The following SV2B variants were observed in gnomAD, a reference collection of about 807,000 sequenced individuals.
The protein encoded by SV2B is synaptic vesicle glycoprotein 2B.
Under a neutral mutation model 73.9 loss-of-function variants are expected in SV2B, and 41 were observed. The observed-to-expected ratio is 0.56, with a 90% CI of 0.43 to 0.72. The LOEUF (loss-of-function observed/expected upper bound fraction) is 0.72, where lower values mean the gene tolerates loss of function less well. Ranked by LOEUF, SV2B falls within the 30% of genes least tolerant of loss-of-function variation. The pLI, the probability that SV2B is intolerant of heterozygous loss-of-function variation, is 0.00. For synonymous variants in SV2B, 314 were observed against 314.2 expected (o/e 1.00, Z 0.01); for missense variants, 764 against 857.8 (o/e 0.89, Z 1.37).
At chr15:91,167,365 C>G (rs2043953389) in intron 1 of SV2B, among the ~76,000 whole-genome samples, 1 of 151,956 alleles carries the variant, frequency 6.6e-6, no homozygotes, top group Admixed American at 6.6e-5. Flanking sequence ...ACCACAAACT[C>G]TTGGTTTAAG....
chr15:91,285,566 G>A (rs189824604), intron 11 of SV2B, among the ~76,000 whole-genome samples: 4 of 152,350 alleles, frequency 2.6e-5, no homozygotes, highest in Admixed American at 1.3e-4. Flanking sequence ...AGGTGGCTCC[G>A]TCTCTGCCAA....
At chr15:91,189,572 C>T (rs1466510166) in intron 1 of SV2B, among the ~76,000 whole-genome samples, 1 of 152,100 alleles carries the variant, frequency 6.6e-6, no homozygotes, top group South Asian at 2.1e-4. Context: ...AAGAAAATCC[C>T]TTCTTTATCA....
At chr15:91,249,931 A>T (rs183318077) in intron 2 of SV2B, among the ~76,000 whole-genome samples, 5 of 152,338 alleles carry the variant, frequency 3.3e-5, no homozygotes, top group African/African-American at 1.2e-4. Context: ...ATTCTACCAC[A>T]CATTTAAAGA....
At chr15:91,104,978 C>T (rs11073981) in intron 1 of SV2B, among the ~76,000 whole-genome samples, 80,799 of 152,052 alleles carry the variant, frequency 0.53, 22,266 homozygotes, top group Non-Finnish European at 0.57. Flanking sequence ...CCTTTTCTTC[C>T]GGACTCTGCT....
chr15:91,213,944 T>C (rs902631846), intron 1 of SV2B, among the ~76,000 whole-genome samples: 7 of 152,182 alleles, frequency 4.6e-5, no homozygotes, highest in Admixed American at 1.3e-4. Context: ...CAAAAGGGAT[T>C]GAAAGAACCC....
intron 1 of SV2B, among the ~76,000 whole-genome samples, chr15:91,222,979 T>C (rs2141473456): frequency 6.6e-6 from 1 of 152,354 alleles, no homozygotes; most frequent in South Asian, 2.1e-4. Context: ...ATTTGTTTCA[T>C]ACCTCTGGAG....
At chr15:91,243,258 T>C (rs1166866032) in intron 2 of SV2B, among the ~76,000 whole-genome samples, 2 of 152,174 alleles carry the variant, frequency 1.3e-5, no homozygotes, top group Admixed American at 6.6e-5. Context: ...AGAGGTGTCA[T>C]ACCTCCACTG....
chr15:91,200,858 C>T (rs80289545), intron 1 of SV2B, among the ~76,000 whole-genome samples: 14,564 of 152,160 alleles, frequency 0.096, 1,119 homozygotes, highest in African/African-American at 0.21. Context: ...CTGCAGTGAG[C>T]CATGATCGTG....
chr15:91,275,945 AT>A (rs1463413456), intron 9 of SV2B, among the ~76,000 whole-genome samples: 1 of 152,072 alleles, frequency 6.6e-6, no homozygotes. Context: ...TCCCGTTACT[AT>A]TTCTTGTAGT....
chr15:91,150,544 A>C (rs563466236), intron 1 of SV2B, among the ~76,000 whole-genome samples: 1 of 152,298 alleles, frequency 6.6e-6, no homozygotes, highest in South Asian at 2.1e-4. Flanking sequence ...ATTAATACAC[A>C]CTTGGATTTG....
At chr15:91,190,187 G>A (rs540119488) in intron 1 of SV2B, among the ~76,000 whole-genome samples, 65 of 152,222 alleles carry the variant, frequency 4.3e-4, no homozygotes, top group Non-Finnish European at 5.9e-4. Context: ...TGTTACATAT[G>A]TATACATGTG....
Position 91,289,699 on chromosome 15 carries a change from T to C in SV2B, c.1868+19T>C, listed in dbSNP as rs1463841080. 6.2e-7 allele frequency: 1 copy of C among 1,607,766 alleles called. No individual in the cohort carries two copies. Among genetic ancestry groups the C allele is most frequent in the East Asian group, 2.2e-5 (1 of 44,790 alleles). The stretch of plus-strand genomic sequence containing the variant: ...ACCAGAGGTCAGTTCTTCCCCAGGC[T>C]TTCCTCAGGGACTTGTTTGGGCTTC... On this transcript the variant is annotated intron_variant, in intron 12 of 12. Coordinates refer to ENST00000394232, the MANE Select transcript of SV2B (RefSeq NM_001323032.3). The surrounding 1 kb of genome is among the most constrained non-coding windows in gnomAD (Gnocchi z 4.9).
At chr15:91,164,607 T>C (rs1361088895) in intron 1 of SV2B, among the ~76,000 whole-genome samples, 1 of 152,184 alleles carries the variant, frequency 6.6e-6, no homozygotes, top group Non-Finnish European at 1.5e-5. Flanking sequence ...TCATGTTTGA[T>C]TGAATAAGTG....
Position 91,121,110 on chromosome 15 carries a change from C to T in SV2B, c.-392+20747C>T, listed in dbSNP as rs906389841. Among the ~76,000 whole-genome samples the T allele has an allele frequency of 6.7e-6, 1 of 149,862 alleles. No individual in the cohort carries two copies. The highest frequency in any genetic ancestry group is 2.5e-5 in the African/African-American group (1 of 40,434). On this transcript the variant is annotated intron_variant, in intron 1 of 12. Transcript: ENST00000394232. The surrounding 1 kb of genome is among the most constrained non-coding windows in gnomAD (Gnocchi z 4.4). ...GTCTTTTAACACGCTAATTTTTGGT[C>T]TTATGTTAGTAACTCGTTTCATTTT...
In SV2B at chr15:91,270,768, TTGAATCCTGTGGATGATGGGGGGATGG is replaced by T. The variant is rs747092685; in HGVS notation, c.1373+2215_1373+2241del. Among the ~76,000 whole-genome samples, 113 of 148,710 alleles carry T rather than the reference TTGAATCCTGTGGATGATGGGGGGATGG, an allele frequency of 7.6e-4. 6 individuals carry two copies. The highest frequency in any genetic ancestry group is 1.8e-3 in the African/African-American group (74 of 40,544). ...GAAACAGGGGCTGAAGAAAGCAGTG[TTGAATCCTGTGGATGATGGGGGGATGG>T]TGAATCCTGTGGATGATGGGGGGAT... On this transcript the variant is annotated intron_variant, in intron 9 of 12. Coordinates refer to ENST00000394232, the MANE Select transcript of SV2B (RefSeq NM_001323032.3).
chr15:91,252,143 C>A lies in SV2B; in HGVS notation c.632+144C>A, dbSNP rs537090850. The A allele has an allele frequency of 1.2e-4, 144 of 1,245,878 alleles. No homozygotes were observed. The highest frequency in any genetic ancestry group is 1.4e-4 in the Non-Finnish European group (129 of 912,060). 77.2% of individuals were successfully genotyped at this position (1,245,878 alleles called of 1,614,324 possible). A position where few individuals can be genotyped will look rare whatever the true frequency, so the allele number is the denominator to read the frequency against. On this transcript the variant is annotated intron_variant, in intron 3 of 12. Coordinates refer to ENST00000394232, the MANE Select transcript of SV2B (RefSeq NM_001323032.3). This position sits in a 1 kb window ranked among gnomAD's most constrained non-coding sequence, Gnocchi z 4.6. ...TTCAGGATACTATATTAAAGTTGAA[C>A]CTTAGAAAGAGTTAGGGTTAGGATT...
At chr15:91,101,103 C>G (rs1016644443) in intron 1 of SV2B, among the ~76,000 whole-genome samples, 1 of 152,146 alleles carries the variant, frequency 6.6e-6, no homozygotes, top group African/African-American at 2.4e-5. Flanking sequence ...TTAAGGGTAA[C>G]TTAACGTTGG....
chr15:91,226,420 A>G lies in SV2B; in HGVS notation c.157A>G (p.Ile53Val), dbSNP rs372807985. The G allele has an allele frequency of 1.1e-5, 17 of 1,614,080 alleles. No homozygotes were observed. Among genetic ancestry groups the G allele is most frequent in the East Asian group, 6.7e-5 (3 of 44,890 alleles). The change falls in exon 2 of 13, where the codon ATC (isoleucine) becomes GTC (valine). Residue 53 changes from isoleucine to valine, a missense_variant. Transcript: ENST00000394232. ...GATCTATGAGGGCGAGTACCAGGGT[A>G]TCCCTCACCCAGATGATGTCAAGGC... ...DEIYEGEYQG[I>V]PHPDDVKAKQ... is the part of the protein sequence containing the mutation.
chr15:91,178,501 G>A (rs372734019), intron 1 of SV2B, among the ~76,000 whole-genome samples: 6,371 of 152,048 alleles, frequency 0.042, 439 homozygotes, highest in African/African-American at 0.14. Context: ...GGTAGAATTC[G>A]GCTGTGAATC....
Sources: allele counts gnomAD v4.1 joint callset (sites outside exome capture counted in the v4.1 genomes callset), GRCh38; gene constraint gnomAD v4.1.1; non-coding constraint Gnocchi (gnomAD v3.1); transcripts MANE v1.5; gene names NCBI Gene and HGNC (gene_info 2026-07-23, HGNC 2026-07-21).